Variants in CAP2 observed in about 807,000 individuals in gnomAD.
CAP2 encodes the protein adenylyl cyclase-associated protein 2.
CAP2 carries 24 observed loss-of-function variants against 57.7 expected under a neutral mutation model. The observed-to-expected ratio is 0.42, with a 90% CI of 0.30 to 0.58. The LOEUF is 0.58. Among genes scored for constraint, CAP2 ranks in the 20% least tolerant of loss-of-function variants. The pLI is 0.22. For missense variants in CAP2, 501 were observed against 590.3 expected (o/e 0.85, Z 1.57); for synonymous variants, 194 against 207.2 (o/e 0.94, Z 0.55).
chr6:17,539,621 C>G (rs1273569406), intron 8 of CAP2, among the ~76,000 whole-genome samples, 163 bp downstream of exon 8: 2 of 152,138 alleles, frequency 1.3e-5, no homozygotes, highest in Non-Finnish European at 2.9e-5. Flanking sequence ...CTGCCATGTT[C>G]CTTATGTCCA....
chr6:17,497,809 A>T (rs1015071671), intron 4 of CAP2, among the ~76,000 whole-genome samples: 1 of 152,244 alleles, frequency 6.6e-6, no homozygotes, highest in African/African-American at 2.4e-5. Flanking sequence ...CCAGTCAAGT[A>T]TCTATCAGAA....
At chr6:17,529,091 T>G (rs1016847343) in intron 7 of CAP2, among the ~76,000 whole-genome samples, 1 of 152,036 alleles carries the variant, frequency 6.6e-6, no homozygotes, top group African/African-American at 2.4e-5. Context: ...ATGATAAAAA[T>G]AAGAGAATGG....
chr6:17,457,692 A>G (rs966671550), intron 3 of CAP2, among the ~76,000 whole-genome samples: 11 of 152,240 alleles, frequency 7.2e-5, no homozygotes, highest in African/African-American at 1.4e-4. Flanking sequence ...CTCAACTTCT[A>G]TTGTTCCCAT....
At chr6:17,510,045 G>A (rs1669484196) in intron 6 of CAP2, among the ~76,000 whole-genome samples, 1 of 152,160 alleles carries the variant, frequency 6.6e-6, no homozygotes, top group Admixed American at 6.5e-5. Context: ...TCTATAGAAA[G>A]AGAAAGTAGA....
chr6:17,507,491 A>G, intron 5 of CAP2, 150 bp from the exon 6 acceptor site: 1 of 794,152 alleles, frequency 1.3e-6, no homozygotes, highest in Non-Finnish European at 2.1e-6. Flanking sequence ...GATACTGTAG[A>G]AAGTGTTTTT....
chr6:17,412,270 T>C (rs1759158591), intron 1 of CAP2, among the ~76,000 whole-genome samples: 1 of 152,188 alleles, frequency 6.6e-6, no homozygotes, highest in Admixed American at 6.5e-5. Flanking sequence ...AAGGAGATTG[T>C]GCCTTGAGGA....
At position 17,529,437 on chromosome 6, in the gene CAP2, C is replaced by T. The variant is rs185954186; in HGVS notation, c.637-9832C>T. Among the ~76,000 whole-genome samples the T allele has an allele frequency of 5.3e-5, 8 of 151,944 alleles. No homozygotes were observed. In the South Asian group the frequency reaches 6.2e-4, roughly 12 times the overall value. On this transcript the variant is annotated intron_variant, in intron 7 of 12. Coordinates refer to ENST00000229922, the MANE Select transcript of CAP2 (RefSeq NM_006366.3). The stretch of plus-strand genomic sequence containing the variant: ...CAGGCGGATCACGAGGTCAGGAGAT[C>T]GAGACCATCCTGGCTAACATGGTAA...
At chr6:17,405,809 T>C (rs1484445716) in intron 1 of CAP2, among the ~76,000 whole-genome samples, 1 of 152,166 alleles carries the variant, frequency 6.6e-6, no homozygotes, top group Non-Finnish European at 1.5e-5. Context: ...GACACAATCT[T>C]GGCTCGCTAC....
chr6:17,517,764 G>C (rs1762303093), intron 7 of CAP2, among the ~76,000 whole-genome samples: 1 of 152,096 alleles, frequency 6.6e-6, no homozygotes, highest in Non-Finnish European at 1.5e-5. Context: ...AGCCAGGCAT[G>C]GTGGCGGGCA....
chr6:17,529,655 T>A (rs143742161), intron 7 of CAP2, among the ~76,000 whole-genome samples: 43,837 of 118,860 alleles, frequency 0.37, 7,297 homozygotes, highest in Non-Finnish European at 0.4. Flanking sequence ...AAAAAAAATA[T>A]ATATATATAT....
At chr6:17,549,295 C>T (rs1012018432) in intron 11 of CAP2, among the ~76,000 whole-genome samples, 1 of 152,106 alleles carries the variant, frequency 6.6e-6, no homozygotes, top group East Asian at 1.9e-4. Flanking sequence ...GAAGTCCCGT[C>T]TCTACTGAAA....
At chr6:17,454,077 A>C (rs1277157949) in intron 3 of CAP2, among the ~76,000 whole-genome samples, 6 of 150,752 alleles carry the variant, frequency 4.0e-5, no homozygotes, top group South Asian at 2.1e-4. Context: ...TGCCTGGCTA[A>C]TTTTTTAATT....
intron 4 of CAP2, among the ~76,000 whole-genome samples, chr6:17,484,348 C>T (rs1761370214): frequency 6.6e-6 from 1 of 152,124 alleles, no homozygotes. Context: ...TCACAAGCTC[C>T]TGTGTCATGA....
chr6:17,436,766 G>A (rs1561782969), intron 3 of CAP2, among the ~76,000 whole-genome samples: 1 of 152,056 alleles, frequency 6.6e-6, no homozygotes, highest in African/African-American at 2.4e-5. Flanking sequence ...TGCCATCTAT[G>A]TCAGGGGTCC....
chr6:17,394,137 C>A (rs1412554395), intron 1 of CAP2, among the ~76,000 whole-genome samples: 3 of 144,760 alleles, frequency 2.1e-5, no homozygotes, highest in South Asian at 2.2e-4. Flanking sequence ...TGGGGGGTCT[C>A]GTCCACCGGG....
At chr6:17,487,726 C>T (rs1215577039) in intron 4 of CAP2, among the ~76,000 whole-genome samples, 1 of 152,196 alleles carries the variant, frequency 6.6e-6, no homozygotes, top group African/African-American at 2.4e-5. Flanking sequence ...CCACCTTGGC[C>T]TCCCAAAGTG....
intron 7 of CAP2, among the ~76,000 whole-genome samples, chr6:17,525,196 C>T (rs989550550): frequency 6.6e-6 from 1 of 152,184 alleles, no homozygotes; most frequent in Non-Finnish European, 1.5e-5. Context: ...AGCCACCACA[C>T]CTGGCCATTT....
At chr6:17,500,909 CA>C (rs1348244527) in intron 4 of CAP2, among the ~76,000 whole-genome samples, 1 of 152,168 alleles carries the variant, frequency 6.6e-6, no homozygotes, top group Non-Finnish European at 1.5e-5. Flanking sequence ...CACAAAAACA[CA>C]TAAGCCAAAG....
chr6:17,421,112 T>G (rs1182324174), intron 1 of CAP2, among the ~76,000 whole-genome samples: 1 of 152,190 alleles, frequency 6.6e-6, no homozygotes, highest in East Asian at 1.9e-4. Context: ...GGAGGCCATG[T>G]TATTCTAAGT....
Sources: gnomAD v4.1 joint callset for allele counts (sites outside exome capture counted in the v4.1 genomes callset) on GRCh38, gnomAD v4.1.1 for gene constraint, MANE v1.5 for transcripts, NCBI Gene and HGNC (gene_info 2026-07-23, HGNC 2026-07-21) for gene names.